The following PHKB variants were observed in gnomAD, a reference collection of about 807,000 sequenced individuals.
PHKB encodes the protein phosphorylase kinase regulatory subunit beta, also known as phosphorylase b kinase regulatory subunit beta.
Under a neutral mutation model 152.1 loss-of-function variants are expected in PHKB, and 122 were observed. The observed-to-expected ratio is 0.80, with a 90% CI of 0.69 to 0.93. The LOEUF (loss-of-function observed/expected upper bound fraction) is 0.93, where lower values mean the gene tolerates loss of function less well. Ranked by LOEUF, PHKB falls within the 40% of genes least tolerant of loss-of-function variation. The pLI is 0.00. For missense variants in PHKB, 1,304 were observed against 1,328.4 expected (o/e 0.98, Z 0.29); for synonymous variants, 436 against 464.9 (o/e 0.94, Z 0.80).
intron 6 of PHKB, among the ~76,000 whole-genome samples, chr16:47,526,535 C>T (rs1454420861): frequency 1.3e-5 from 2 of 152,022 alleles, no homozygotes; most frequent in African/African-American, 4.8e-5. Flanking sequence ...CAGGCCCCAT[C>T]GTCAAGAGTT....
chr16:47,657,401 G>A (rs770109806), intron 20 of PHKB, among the ~76,000 whole-genome samples: 10 of 152,194 alleles, frequency 6.6e-5, no homozygotes, highest in African/African-American at 9.6e-5. Flanking sequence ...ACAAAGGTAG[G>A]TTGGGAGAGT....
intron 7 of PHKB, among the ~76,000 whole-genome samples, chr16:47,558,024 C>T (rs1372497898): frequency 6.6e-6 from 1 of 151,080 alleles, no homozygotes; most frequent in South Asian, 2.1e-4. Context: ...GAAAATGTGG[C>T]ACATATACAC....
chr16:47,594,330 A>G (rs1487210326), intron 12 of PHKB, 116 bp downstream of exon 12: 7 of 671,976 alleles, frequency 1.0e-5, no homozygotes, highest in Non-Finnish European at 1.9e-5. Flanking sequence ...AAAAAAATGA[A>G]TGATCCCTGA....
chr16:47,674,938 T>C (rs779988727), intron 26 of PHKB, among the ~76,000 whole-genome samples: 8 of 152,216 alleles, frequency 5.3e-5, no homozygotes, highest in Non-Finnish European at 1.0e-4. Flanking sequence ...ATTTGAGAGT[T>C]ACAAGTGGAA....
chr16:47,639,082 C>T (rs1232113413), intron 14 of PHKB, among the ~76,000 whole-genome samples: 1 of 152,062 alleles, frequency 6.6e-6, no homozygotes, highest in Non-Finnish European at 1.5e-5. Flanking sequence ...CAAGACCAGT[C>T]TTGGCAACAT....
chr16:47,590,638 C>T (rs1200171742), intron 10 of PHKB: 1 of 152,234 alleles, frequency 6.6e-6, no homozygotes, highest in Non-Finnish European at 1.5e-5. Context: ...CTAACTACCA[C>T]CTCGCACACT....
intron 5 of PHKB, among the ~76,000 whole-genome samples, chr16:47,513,493 A>T (rs1311607383): frequency 6.6e-6 from 1 of 152,198 alleles, no homozygotes; most frequent in Non-Finnish European, 1.5e-5. Context: ...GACCTTGACA[A>T]GACCCTGATA....
At position 47,489,162 on chromosome 16, in the gene PHKB, C is replaced by T. The variant is rs142355952; in HGVS notation, c.77-8237C>T. On this transcript the variant is annotated intron_variant, in intron 1 of 30. Coordinates refer to ENST00000323584, the MANE Select transcript of PHKB (RefSeq NM_000293.3). ...ACCTCCCAAGTTCAAGTGATTCTCC[C>T]TGCCTCAGCCTCCCGAGTATCTGGG... Among the ~76,000 whole-genome samples the T allele has an allele frequency of 1.6e-3, 248 of 152,214 alleles. 3 individuals are homozygous for T. The East Asian group carries it at 0.041, about 25-fold the overall frequency.
At chr16:47,546,407 A>T (rs1209569387) in intron 6 of PHKB, among the ~76,000 whole-genome samples, 2 of 152,106 alleles carry the variant, frequency 1.3e-5, no homozygotes, top group African/African-American at 4.8e-5. Flanking sequence ...CCTGGGTATC[A>T]CCAGTGGAGG....
At chr16:47,539,250 T>G (rs1971007542) in intron 6 of PHKB, among the ~76,000 whole-genome samples, 2 of 152,190 alleles carry the variant, frequency 1.3e-5, no homozygotes, top group African/African-American at 4.8e-5. Context: ...TTTATAACAA[T>G]GTACCTGTAG....
chr16:47,675,519 A>ACACACTCTCT (rs1491544334), intron 26 of PHKB: 40 of 88,094 alleles, frequency 4.5e-4, no homozygotes, highest in African/African-American at 8.7e-4. Flanking sequence ...ACACACACAC[A>ACACACTCTCT]CTCTCTCTCT....
At chr16:47,668,198 C>T (rs1973572977) in intron 25 of PHKB, among the ~76,000 whole-genome samples, 1 of 152,206 alleles carries the variant, frequency 6.6e-6, no homozygotes, top group Admixed American at 6.5e-5. Context: ...GCTTAGTCAT[C>T]ATTGCTTCTA....
At chr16:47,632,834 T>G (rs187011773) in intron 14 of PHKB, among the ~76,000 whole-genome samples, 7 of 152,342 alleles carry the variant, frequency 4.6e-5, no homozygotes, top group Admixed American at 4.6e-4. Flanking sequence ...TATCCTGGCT[T>G]TACTACTTTG....
intron 14 of PHKB, among the ~76,000 whole-genome samples, chr16:47,640,526 AT>A (rs1972999471): frequency 6.6e-6 from 1 of 152,214 alleles, no homozygotes; most frequent in Non-Finnish European, 1.5e-5. Flanking sequence ...TTCATGCTCT[AT>A]TATAAGAATT....
chr16:47,621,625 A>T (rs961227363), intron 14 of PHKB, among the ~76,000 whole-genome samples: 1 of 152,204 alleles, frequency 6.6e-6, no homozygotes, highest in Non-Finnish European at 1.5e-5. Context: ...CTTGGCAAAG[A>T]AATAAAGCGT....
chr16:47,672,189 T>C (rs1973649615), intron 26 of PHKB, among the ~76,000 whole-genome samples: 1 of 152,294 alleles, frequency 6.6e-6, no homozygotes, highest in African/African-American at 2.4e-5. Flanking sequence ...TTCTTTTGAT[T>C]GAAAGTAAAT....
intron 1 of PHKB, among the ~76,000 whole-genome samples, chr16:47,489,039 T>C (rs967001941): frequency 3.3e-5 from 5 of 152,146 alleles, no homozygotes; most frequent in African/African-American, 4.8e-5. Flanking sequence ...TTGAGTAGTA[T>C]GGCTGTTTTT....
intron 26 of PHKB, among the ~76,000 whole-genome samples, chr16:47,672,550 G>A (rs1002809005): frequency 1.3e-5 from 2 of 152,138 alleles, no homozygotes; most frequent in African/African-American, 4.8e-5. Context: ...TGTTCAGGGA[G>A]CCTTTTCAAG....
intron 1 of PHKB, among the ~76,000 whole-genome samples, chr16:47,486,471 A>G (rs1372908739): frequency 6.6e-6 from 1 of 152,246 alleles, no homozygotes; most frequent in Non-Finnish European, 1.5e-5. Context: ...GATGAGTCAT[A>G]GGACAAACAT....
Sources: gnomAD v4.1 joint callset for allele counts (sites outside exome capture counted in the v4.1 genomes callset) on GRCh38, gnomAD v4.1.1 for gene constraint, MANE v1.5 for transcripts, NCBI Gene and HGNC (gene_info 2026-07-23, HGNC 2026-07-21) for gene names.